Variants in DSCAM observed in about 807,000 individuals in gnomAD.
DSCAM encodes cell adhesion molecule DSCAM.
DSCAM carries 47 observed loss-of-function variants against 217.7 expected under a neutral mutation model. The ratio of observed to expected loss-of-function variants is 0.22; its 90% confidence interval spans 0.17 to 0.28. The LOEUF (loss-of-function observed/expected upper bound fraction) is 0.28. DSCAM is among the 10% of genes least tolerant of loss of function. The probability of loss-of-function intolerance (pLI) is 1.00; values close to 1 mark genes in which losing one functional copy is unlikely to be tolerated. For synonymous variants in DSCAM, 1,056 were observed against 1,015.3 expected, an observed-to-expected ratio of 1.04 and a Z score of -0.76; for missense variants, 2,080 against 2,618.3, an observed-to-expected ratio of 0.79 and a Z score of 4.49.
At chr21:40,120,704 G>A (rs182128304) in intron 20 of DSCAM, among the ~76,000 whole-genome samples, 3 of 152,212 alleles carry the variant, frequency 2.0e-5, no homozygotes, top group Admixed American at 6.5e-5. Context: ...TTGGACCCCC[G>A]AGGGAAAGTT....
chr21:40,395,630 T>C (rs2075172141), intron 3 of DSCAM, among the ~76,000 whole-genome samples: 1 of 152,194 alleles, frequency 6.6e-6, no homozygotes, highest in African/African-American at 2.4e-5. Context: ...TCAGAAATAC[T>C]GAGACCTTGC....
In DSCAM at chr21:40,838,748, G is replaced by A. The variant is rs1178978795; in HGVS notation, c.43+7871C>T. ...ACCTTATCAAAATGCCAATTTCATAGTCTGGAGAGACTAGCGACAAAATGA... is the reference window on the plus strand; with the variant it reads ...ACCTTATCAAAATGCCAATTTCATAATCTGGAGAGACTAGCGACAAAATGA... On this transcript the variant is annotated intron_variant, in intron 1 of 32. Coordinates refer to ENST00000400454, the MANE Select transcript of DSCAM (RefSeq NM_001389.5). Among the ~76,000 whole-genome samples, 5 of 152,232 alleles carry A rather than the reference G, an allele frequency of 3.3e-5. No individual in the cohort carries two copies. In the East Asian group the frequency reaches 7.7e-4, roughly 24 times the overall value.
At chr21:40,626,202 C>A (rs916615758) in intron 3 of DSCAM, among the ~76,000 whole-genome samples, 2 of 152,082 alleles carry the variant, frequency 1.3e-5, no homozygotes, top group Admixed American at 1.3e-4. Flanking sequence ...CAGGAATATT[C>A]TTGATTTTAC....
intron 11 of DSCAM, among the ~76,000 whole-genome samples, chr21:40,229,703 C>T (rs1371761548): frequency 6.6e-6 from 1 of 152,206 alleles, no homozygotes; most frequent in Non-Finnish European, 1.5e-5. Flanking sequence ...TAATATTCTA[C>T]TGTCGAGAGA....
At chr21:40,062,108 A>G (rs1201123555) in intron 28 of DSCAM, among the ~76,000 whole-genome samples, 2 of 152,226 alleles carry the variant, frequency 1.3e-5, no homozygotes, top group African/African-American at 4.8e-5. Context: ...AGCACAAGAA[A>G]ACTGAACATT....
intron 8 of DSCAM, among the ~76,000 whole-genome samples, chr21:40,329,632 A>G (rs2074354489): frequency 2.0e-5 from 3 of 148,904 alleles, no homozygotes; most frequent in Non-Finnish European, 3.0e-5. Context: ...AAATAAATAA[A>G]TAAATAAATA....
chr21:40,064,013 A>G (rs2089167513), intron 27 of DSCAM, among the ~76,000 whole-genome samples: 1 of 152,186 alleles, frequency 6.6e-6, no homozygotes, highest in Non-Finnish European at 1.5e-5. Context: ...AAAAGAAATC[A>G]AAATAGGATT....
At chr21:40,495,843 A>C (rs1388182076) in intron 3 of DSCAM, among the ~76,000 whole-genome samples, 1 of 152,176 alleles carries the variant, frequency 6.6e-6, no homozygotes, top group African/African-American at 2.4e-5. Context: ...TACAGAATAC[A>C]AAATCAACAC....
chr21:40,327,940 G>A (rs1022808184), intron 8 of DSCAM, among the ~76,000 whole-genome samples: 1 of 152,004 alleles, frequency 6.6e-6, no homozygotes, highest in South Asian at 2.1e-4. Context: ...TAACCAAGGA[G>A]GTGAAAGATC....
intron 3 of DSCAM, among the ~76,000 whole-genome samples, chr21:40,380,335 G>T (rs1188712721): frequency 6.6e-6 from 1 of 152,116 alleles, no homozygotes; most frequent in Non-Finnish European, 1.5e-5. Flanking sequence ...ACTTTTAAAT[G>T]AATCACTTCA....
Position 40,726,913 on chromosome 21 carries a change from AGAG to A in DSCAM, c.44-18145_44-18143del, listed in dbSNP as rs566315270. Among the ~76,000 whole-genome samples, 211 of 152,266 alleles carry A rather than the reference AGAG, an allele frequency of 1.4e-3. 1 individual carries two copies. The highest frequency in any genetic ancestry group is 2.5e-3 in the Non-Finnish European group (170 of 68,018). Reference sequence around the variant, plus strand: ...AAGTGGGACTGGTGACTTTATAAGAAGAGGAGGAGAGATCTGAGCTGGCATACC... The same window carrying A: ...AAGTGGGACTGGTGACTTTATAAGAAGAGGAGAGATCTGAGCTGGCATACC... On this transcript the variant is annotated intron_variant, in intron 1 of 32. Coordinates refer to ENST00000400454, the MANE Select transcript of DSCAM (RefSeq NM_001389.5).
chr21:40,723,626 A>G (rs1407174074), intron 1 of DSCAM, among the ~76,000 whole-genome samples: 3 of 152,190 alleles, frequency 2.0e-5, no homozygotes, highest in African/African-American at 4.8e-5. Flanking sequence ...TATTGAATGC[A>G]TAAATAAATG....
intron 3 of DSCAM, among the ~76,000 whole-genome samples, chr21:40,406,396 A>G (rs939623121): frequency 6.6e-5 from 10 of 152,246 alleles, no homozygotes; most frequent in African/African-American, 2.4e-4. Context: ...TACAGAATCA[A>G]CCTGTGTCCA....
In DSCAM at chr21:40,342,624, G is replaced by GTATATA. The variant is rs1363119200; in HGVS notation, c.1211-3210_1211-3209insTATATA. 1.4e-3 allele frequency among the ~76,000 whole-genome samples: 109 copies of GTATATA among 77,258 alleles called. 1 individual carries two copies. The highest frequency in any genetic ancestry group is 6.2e-3 in the African/African-American group (107 of 17,180). The allele number at this position is 77,258 out of a possible 152,430, so 50.7% of individuals were successfully genotyped here. ...AGTATGTGTATATGTGTGTGTGTGTGTGTATATATATATATATATATATAT... is the reference window on the plus strand; with the variant it reads ...AGTATGTGTATATGTGTGTGTGTGTGTATATATGTATATATATATATATATATATAT... On this transcript the variant is annotated intron_variant, in intron 6 of 32. Coordinates refer to ENST00000400454, the MANE Select transcript of DSCAM (RefSeq NM_001389.5).
intron 3 of DSCAM, among the ~76,000 whole-genome samples, chr21:40,530,646 TCA>T (rs1305868515): frequency 3.3e-5 from 5 of 152,282 alleles, no homozygotes; most frequent in African/African-American, 1.2e-4. Context: ...AGTTTTCCTC[TCA>T]CTTGGAAATC....
chr21:40,583,229 G>A (rs1300971177), intron 3 of DSCAM, among the ~76,000 whole-genome samples: 3 of 152,198 alleles, frequency 2.0e-5, no homozygotes, highest in Admixed American at 2.0e-4. Flanking sequence ...AAGGTTACCA[G>A]GGGCCAGTAC....
At chr21:40,661,372 G>T (rs568050002) in intron 3 of DSCAM, among the ~76,000 whole-genome samples, 1 of 152,062 alleles carries the variant, frequency 6.6e-6, no homozygotes, top group Non-Finnish European at 1.5e-5. Context: ...TTAAGTACCT[G>T]GTTTTTGTTT....
chr21:40,246,189 A>G (rs1293264020), intron 11 of DSCAM, among the ~76,000 whole-genome samples: 1 of 151,554 alleles, frequency 6.6e-6, no homozygotes, highest in Non-Finnish European at 1.5e-5. Context: ...CATGGGCAAG[A>G]ATCCCATACT....
At chr21:40,591,014 A>C (rs2076980246) in intron 3 of DSCAM, among the ~76,000 whole-genome samples, 1 of 152,160 alleles carries the variant, frequency 6.6e-6, no homozygotes, top group Admixed American at 6.5e-5. Context: ...CCCATGTGTC[A>C]AGGGAGAGAC....
Sources: gnomAD v4.1 joint callset for allele counts (sites outside exome capture counted in the v4.1 genomes callset) on GRCh38, gnomAD v4.1.1 for gene constraint, MANE v1.5 for transcripts, NCBI Gene and HGNC (gene_info 2026-07-23, HGNC 2026-07-21) for gene names.